Variants in DSCAML1 observed in about 807,000 individuals in gnomAD.
DSCAML1 encodes cell adhesion molecule DSCAML1.
In DSCAML1, 38 loss-of-function variants were observed where a neutral mutation model predicts 200.5. The observed-to-expected ratio is 0.19, with a 90% CI of 0.15 to 0.25. The LOEUF (loss-of-function observed/expected upper bound fraction) is 0.25. Ranked by LOEUF, DSCAML1 falls within the 10% of genes least tolerant of loss-of-function variation. The pLI is 1.00. For synonymous variants in DSCAML1, 1,215 were observed against 1,165.0 expected (o/e 1.04, Z -0.87); for missense variants, 2,223 against 2,858.8 (o/e 0.78, Z 5.07).
intron 5 of DSCAML1, among the ~76,000 whole-genome samples, chr11:117,522,190 G>A (rs937406445): frequency 1.3e-5 from 2 of 152,154 alleles, no homozygotes; most frequent in Non-Finnish European, 2.9e-5. Flanking sequence ...CTCATCCTTC[G>A]CATGGTGTCA....
At chr11:117,661,411 C>T (rs913062051) in intron 3 of DSCAML1, among the ~76,000 whole-genome samples, 2 of 152,210 alleles carry the variant, frequency 1.3e-5, no homozygotes, top group African/African-American at 4.8e-5. Context: ...ACACAGTGTA[C>T]CGTTACTGGC....
intron 3 of DSCAML1, among the ~76,000 whole-genome samples, chr11:117,595,192 G>A (rs2051340331): frequency 6.6e-6 from 1 of 152,154 alleles, no homozygotes; most frequent in Admixed American, 6.5e-5. Flanking sequence ...GAGGGGGAGG[G>A]TTGGAAAGTC....
intron 11 of DSCAML1, among the ~76,000 whole-genome samples, chr11:117,501,115 C>A (rs1465062988): frequency 6.6e-6 from 1 of 152,110 alleles, no homozygotes; most frequent in Non-Finnish European, 1.5e-5. Flanking sequence ...AAGGTTCTAC[C>A]TACCTGTGCC....
intron 3 of DSCAML1, among the ~76,000 whole-genome samples, chr11:117,776,469 C>T (rs967287439): frequency 6.6e-6 from 1 of 151,980 alleles, no homozygotes; most frequent in African/African-American, 2.4e-5. Context: ...CCTTGCCTCC[C>T]GTCCCTCAGG....
Position 117,480,169 on chromosome 11 carries a change from C to T in DSCAML1, c.2785+274G>A, listed in dbSNP as rs2048881733. Among the ~76,000 whole-genome samples, 1 of 152,332 alleles carries T rather than the reference C, an allele frequency of 6.6e-6. No individual in the cohort carries two copies. The highest frequency in any genetic ancestry group is 1.5e-5 in the Non-Finnish European group (1 of 68,022). On this transcript the variant is annotated intron_variant, in intron 14 of 32. Coordinates refer to ENST00000651296, the MANE Select transcript of DSCAML1 (RefSeq NM_020693.4). This position sits in a 1 kb window ranked among gnomAD's most constrained non-coding sequence, Gnocchi z 4.1. Reference sequence around the variant, plus strand: ...CCTTACATGGCTTCAAATCAGACCACCCTTGGGGACCCTGGCCCAGGGACA... The same window carrying T: ...CCTTACATGGCTTCAAATCAGACCATCCTTGGGGACCCTGGCCCAGGGACA...
intron 3 of DSCAML1, among the ~76,000 whole-genome samples, chr11:117,734,687 G>C (rs146100023): frequency 3.9e-4 from 59 of 152,286 alleles, no homozygotes; most frequent in African/African-American, 1.3e-3. Flanking sequence ...AGCTCCAGAG[G>C]GGGCAGGGAC....
rs780939747 is a variant in DSCAML1, at chr11:117,797,177, G to A, written c.-98C>T. 4 of 1,573,430 alleles carry A rather than the reference G, an allele frequency of 2.5e-6. No individual in the cohort carries two copies. Among genetic ancestry groups the A allele is most frequent in the Non-Finnish European group, 3.4e-6 (4 of 1,161,702 alleles). Reference sequence around the variant, plus strand: ...AGCGCGCTCCCAGCCGCCCGCACTCGGCGCCCCGCTCTCTCTGCTCCTCAG... The same window carrying A: ...AGCGCGCTCCCAGCCGCCCGCACTCAGCGCCCCGCTCTCTCTGCTCCTCAG... On this transcript the variant is annotated 5_prime_UTR_variant, in exon 1 of 33. Coordinates refer to ENST00000651296, the MANE Select transcript of DSCAML1 (RefSeq NM_020693.4).
chr11:117,434,447 A>G (rs2047867579), intron 27 of DSCAML1, among the ~76,000 whole-genome samples: 1 of 151,634 alleles, frequency 6.6e-6, no homozygotes, highest in Non-Finnish European at 1.5e-5. Context: ...TCATTCCACA[A>G]TTCCAATAGT....
chr11:117,638,731 A>G lies in DSCAML1; in HGVS notation c.512-106209T>C, dbSNP rs1181131754. ...CTTCATCCCTTTTCATGGCCAAATAATATTCCATTGTCTGGAAATATCACA... is the reference window on the plus strand; with the variant it reads ...CTTCATCCCTTTTCATGGCCAAATAGTATTCCATTGTCTGGAAATATCACA... On this transcript the variant is annotated intron_variant, in intron 3 of 32. Transcript: ENST00000651296. Among the ~76,000 whole-genome samples the G allele has an allele frequency of 2.0e-5, 3 of 152,216 alleles. 1 individual carries two copies. The highest frequency in any genetic ancestry group is 6.3e-3 in the Middle Eastern group (2 of 316).
At chr11:117,474,374 C>G (rs2048746186) in intron 14 of DSCAML1, among the ~76,000 whole-genome samples, 1 of 152,178 alleles carries the variant, frequency 6.6e-6, no homozygotes. Context: ...AGGTGCATCC[C>G]CCTCTACCCT....
intron 3 of DSCAML1, among the ~76,000 whole-genome samples, chr11:117,639,514 G>T (rs1213907538): frequency 2.6e-5 from 4 of 152,102 alleles, no homozygotes; most frequent in Non-Finnish European, 5.9e-5. Flanking sequence ...GTAGGAGGCT[G>T]GATGAAAAGA....
At chr11:117,522,351 T>C (rs931769439) in intron 5 of DSCAML1, among the ~76,000 whole-genome samples, 1 of 152,224 alleles carries the variant, frequency 6.6e-6, no homozygotes, top group African/African-American at 2.4e-5. Flanking sequence ...CCCTCTGGAC[T>C]GTGGGCCACT....
chr11:117,670,271 C>T (rs1333315421), intron 3 of DSCAML1, among the ~76,000 whole-genome samples: 2 of 152,064 alleles, frequency 1.3e-5, no homozygotes, highest in African/African-American at 4.8e-5. Flanking sequence ...TACCAGTCTG[C>T]GCAGAAGACC....
At chr11:117,595,363 C>A (rs1821076388) in intron 3 of DSCAML1, among the ~76,000 whole-genome samples, 1 of 152,098 alleles carries the variant, frequency 6.6e-6, no homozygotes, top group South Asian at 2.1e-4. Flanking sequence ...TGACCTGCAA[C>A]CCCACCAACA....
In DSCAML1 at chr11:117,443,871, C is replaced by T. The variant is rs1275200516; in HGVS notation, c.3862+15G>A. ...GGAAGTGTTTGCCCCTCTGCCACAGCCTCAGGCTTCTCACCCTTGCCAGCA... is the reference window on the plus strand; with the variant it reads ...GGAAGTGTTTGCCCCTCTGCCACAGTCTCAGGCTTCTCACCCTTGCCAGCA... On this transcript the variant is annotated intron_variant, in intron 21 of 32. Coordinates refer to ENST00000651296, the MANE Select transcript of DSCAML1 (RefSeq NM_020693.4). 1 of 1,586,778 alleles carries T rather than the reference C, an allele frequency of 6.3e-7. No homozygotes were observed. The highest frequency in any genetic ancestry group is 8.6e-7 in the Non-Finnish European group (1 of 1,167,366).
chr11:117,774,291 C>G lies in DSCAML1; in HGVS notation c.511+2500G>C, dbSNP rs144816801. 4.2e-3 allele frequency among the ~76,000 whole-genome samples: 634 copies of G among 152,288 alleles called. 2 individuals carry two copies. Among genetic ancestry groups the G allele is most frequent in the Non-Finnish European group, 6.1e-3 (414 of 68,022 alleles). On this transcript the variant is annotated intron_variant, in intron 3 of 32. Coordinates refer to ENST00000651296, the MANE Select transcript of DSCAML1 (RefSeq NM_020693.4). ...GGATGAGAACAATCCAGTTCCGGCC[C>G]GTGGGAACTGCAGTCGTGTGGGGAA...
rs887263632 is a variant in DSCAML1 at position 117,498,881 on chromosome 11, GC to G, written c.2359+4963del. 2.2e-4 allele frequency among the ~76,000 whole-genome samples: 33 copies of G among 152,220 alleles called. No homozygotes were observed. The highest frequency in any genetic ancestry group is 4.3e-4 in the Non-Finnish European group (29 of 68,040). On this transcript the variant is annotated intron_variant, in intron 11 of 32. Coordinates refer to ENST00000651296, the MANE Select transcript of DSCAML1 (RefSeq NM_020693.4). This position sits in a 1 kb window ranked among gnomAD's most constrained non-coding sequence, Gnocchi z 4.0. ...AATCAAAACTCAGACCAAACAAAGA[GC>G]CCTTATGGGTTTAATTGGCCATGGG...
At chr11:117,609,190 C>T (rs1277957783) in intron 3 of DSCAML1, among the ~76,000 whole-genome samples, 2 of 150,656 alleles carry the variant, frequency 1.3e-5, no homozygotes, top group African/African-American at 2.4e-5. Flanking sequence ...CAGAGCCAGA[C>T]CCTATCTCAA....
At chr11:117,805,999 G>A (rs1434428949) in intron 1 of DSCAML1, among the ~76,000 whole-genome samples, 4 of 152,176 alleles carry the variant, frequency 2.6e-5, no homozygotes, top group Non-Finnish European at 5.9e-5. Context: ...GCTCCTGACC[G>A]CCTGGCCTGC....
Sources: allele counts gnomAD v4.1 joint callset (sites outside exome capture counted in the v4.1 genomes callset), GRCh38; gene constraint gnomAD v4.1.1; non-coding constraint Gnocchi (gnomAD v3.1); transcripts MANE v1.5; gene names NCBI Gene and HGNC (gene_info 2026-07-23, HGNC 2026-07-21).